CLNK: variants seen among roughly 807,000 people sequenced by gnomAD.
CLNK encodes the protein cytokine-dependent hematopoietic cell linker.
Under a neutral mutation model 68.6 loss-of-function variants are expected in CLNK, and 74 were observed. The ratio of observed to expected loss-of-function variants is 1.08; its 90% CI spans 0.89 to 1.31. CLNK has a LOEUF of 1.31. Among genes scored for constraint, CLNK ranks in the 50% most tolerant of loss-of-function variants. The probability of loss-of-function intolerance (pLI) is 0.00; values close to 1 mark genes in which losing one functional copy is unlikely to be tolerated. For synonymous variants in CLNK, 198 were observed against 172.2 expected (o/e 1.15, Z -1.17); for missense variants, 553 against 515.3 (o/e 1.07, Z -0.71).
the CLNK span, among the ~76,000 whole-genome samples, chr4:10,713,943 C>A: frequency 1.3e-5 from 2 of 152,288 alleles, no homozygotes; most frequent in Admixed American, 6.5e-5. Flanking sequence ...TTAGACATTT[C>A]ATGGGCCTTT....
chr4:10,633,577 C>T (rs1722970058), intron 2 of CLNK, among the ~76,000 whole-genome samples: 1 of 152,148 alleles, frequency 6.6e-6, no homozygotes, highest in African/African-American at 2.4e-5. Flanking sequence ...ATGCCTAATC[C>T]AGGAACATCT....
intron 3 of CLNK, among the ~76,000 whole-genome samples, chr4:10,590,517 G>A (rs1365588276): frequency 6.6e-6 from 1 of 152,170 alleles, no homozygotes; most frequent in African/African-American, 2.4e-5. Context: ...GGCACCGACT[G>A]TTAGTCCAGA....
intron 4 of CLNK, among the ~76,000 whole-genome samples, chr4:10,573,811 G>A (rs899548798): frequency 5.3e-5 from 8 of 152,048 alleles, no homozygotes; most frequent in African/African-American, 1.9e-4. Flanking sequence ...CCCCAAATAC[G>A]CTTCATGCCC....
chr4:10,619,371 C>T (rs1481179422), intron 2 of CLNK, among the ~76,000 whole-genome samples: 1 of 152,178 alleles, frequency 6.6e-6, no homozygotes, highest in Non-Finnish European at 1.5e-5. Flanking sequence ...TGCCAGCAAA[C>T]CATGAATATA....
chr4:10,657,626 G>A (rs143253959), intron 2 of CLNK, among the ~76,000 whole-genome samples: 197 of 152,252 alleles, frequency 1.3e-3, no homozygotes, highest in African/African-American at 4.1e-3. Context: ...TATAATTTCC[G>A]TTATTCACAG....
chr4:10,571,404 G>A (rs942220815), intron 5 of CLNK, among the ~76,000 whole-genome samples: 2 of 141,146 alleles, frequency 1.4e-5, no homozygotes, highest in South Asian at 2.4e-4. Flanking sequence ...GTGCTATCTC[G>A]GCTCACTGCA....
chr4:10,517,643 C>T (rs1053380158), intron 15 of CLNK, among the ~76,000 whole-genome samples: 2 of 152,172 alleles, frequency 1.3e-5, no homozygotes, highest in Non-Finnish European at 2.9e-5. Flanking sequence ...TAACCATTTT[C>T]GGTATTTCCT....
intron 2 of CLNK, among the ~76,000 whole-genome samples, chr4:10,667,279 G>A (rs1473607694): frequency 6.6e-6 from 1 of 151,698 alleles, no homozygotes. Flanking sequence ...AAATAGATAA[G>A]GAGATTAATT....
chr4:10,495,458 CTCTT>C (rs1029093514), intron 18 of CLNK, among the ~76,000 whole-genome samples: 2 of 152,158 alleles, frequency 1.3e-5, no homozygotes, highest in South Asian at 2.1e-4. Context: ...CTTGACATGA[CTCTT>C]TCTGTGTTCC....
chr4:10,604,793 C>T (rs1721725533), intron 2 of CLNK, among the ~76,000 whole-genome samples: 1 of 152,206 alleles, frequency 6.6e-6, no homozygotes, highest in Non-Finnish European at 1.5e-5. Context: ...TACTCCCCAC[C>T]TATTCACTGC....
chr4:10,562,620 G>T (rs532357753), intron 7 of CLNK, among the ~76,000 whole-genome samples: 1 of 152,194 alleles, frequency 6.6e-6, no homozygotes. Context: ...TGGCCAGGCT[G>T]GTCTCGAACT....
intron 2 of CLNK, among the ~76,000 whole-genome samples, chr4:10,606,663 A>G (rs1290577202): frequency 6.6e-6 from 1 of 152,218 alleles, no homozygotes; most frequent in Admixed American, 6.5e-5. Context: ...CAGCTGCCGC[A>G]TTACTAGGTG....
chr4:10,589,352 T>C (rs1215215879), intron 3 of CLNK, among the ~76,000 whole-genome samples: 1 of 152,206 alleles, frequency 6.6e-6, no homozygotes, highest in Non-Finnish European at 1.5e-5. Flanking sequence ...CGCAGAGTTC[T>C]CTTGTCTGGG....
intron 2 of CLNK, among the ~76,000 whole-genome samples, chr4:10,648,442 T>C (rs1477819531): frequency 6.6e-6 from 1 of 152,214 alleles, no homozygotes; most frequent in Non-Finnish European, 1.5e-5. Context: ...AACTCTTATC[T>C]AGCAGAGAAA....
chr4:10,549,638 A>G (rs1719368808), intron 8 of CLNK, among the ~76,000 whole-genome samples: 1 of 152,242 alleles, frequency 6.6e-6, no homozygotes. Context: ...ACTTCAAGGC[A>G]TGGTTCTTAA....
At chr4:10,557,364 G>C (rs1280564257) in intron 8 of CLNK, among the ~76,000 whole-genome samples, 1 of 152,156 alleles carries the variant, frequency 6.6e-6, no homozygotes, top group Admixed American at 6.5e-5. Context: ...TTTAGCCATT[G>C]GGAAGCCCCA....
At chr4:10,552,705 CCT>C (rs1283118408) in intron 8 of CLNK, among the ~76,000 whole-genome samples, 1 of 152,152 alleles carries the variant, frequency 6.6e-6, no homozygotes, top group Non-Finnish European at 1.5e-5. Context: ...AAACCGCTGA[CCT>C]ATGAGCTTTG....
intron 3 of CLNK, among the ~76,000 whole-genome samples, chr4:10,591,915 T>A (rs904739462): frequency 6.6e-6 from 1 of 152,244 alleles, no homozygotes. Flanking sequence ...TAAGAAATAT[T>A]TGGGGCATGT....
intron 4 of CLNK, among the ~76,000 whole-genome samples, chr4:10,582,471 T>C (rs1425957383): frequency 6.6e-6 from 1 of 152,230 alleles, no homozygotes; most frequent in African/African-American, 2.4e-5. Context: ...ATGTTTTTAT[T>C]ATACGTGGAG....
Sources: allele counts gnomAD v4.1 joint callset (sites outside exome capture counted in the v4.1 genomes callset), GRCh38; gene constraint gnomAD v4.1.1; transcripts MANE v1.5; gene names NCBI Gene and HGNC (gene_info 2026-07-23, HGNC 2026-07-21).